PCDHA7: variants seen among roughly 807,000 people sequenced by gnomAD.
PCDHA7 encodes the protein protocadherin alpha-7.
A neutral mutation model predicts 57.2 loss-of-function variants in PCDHA7; 37 were observed. The observed-to-expected ratio is 0.65, with a 90% CI of 0.50 to 0.85. The LOEUF (loss-of-function observed/expected upper bound fraction) is 0.85. PCDHA7 is among the 40% of genes least tolerant of loss of function. The pLI, the probability that PCDHA7 is intolerant of heterozygous loss-of-function variation, is 0.00. For synonymous variants in PCDHA7, 553 were observed against 558.8 expected, an observed-to-expected ratio of 0.99 and a Z score of 0.15; for missense variants, 1,188 against 1,241.8, an observed-to-expected ratio of 0.96 and a Z score of 0.65.
intron 1 of PCDHA7, chr5:140,884,134 C>A: frequency 6.2e-6 from 10 of 1,613,442 alleles, no homozygotes; most frequent in Non-Finnish European, 7.6e-6. Context: ...GCATCCCGTT[C>A]CGCGTGGGGC....
At chr5:140,999,345 C>A (rs2097854633) in intron 3 of PCDHA7, among the ~76,000 whole-genome samples, 1 of 152,178 alleles carries the variant, frequency 6.6e-6, no homozygotes, top group Non-Finnish European at 1.5e-5. Flanking sequence ...TAAGCCTTGT[C>A]TCTTTTTAAT....
intron 1 of PCDHA7, among the ~76,000 whole-genome samples, chr5:140,878,502 G>A (rs782817563): frequency 2.0e-5 from 3 of 152,028 alleles, no homozygotes; most frequent in Admixed American, 6.5e-5. Flanking sequence ...CCATCTGTAC[G>A]ATACAGTACA....
At chr5:140,947,957 A>G (rs2094196859) in intron 1 of PCDHA7, among the ~76,000 whole-genome samples, 1 of 151,542 alleles carries the variant, frequency 6.6e-6, no homozygotes, top group African/African-American at 2.4e-5. Flanking sequence ...ATATTTTACA[A>G]TTAAGTATGT....
intron 1 of PCDHA7, among the ~76,000 whole-genome samples, chr5:140,917,059 G>A (rs1174473146): frequency 6.6e-6 from 1 of 152,044 alleles, no homozygotes; most frequent in Non-Finnish European, 1.5e-5. Context: ...TCCCTGCTAC[G>A]ACAGCACCGA....
chr5:140,870,493 AAGG>A, intron 1 of PCDHA7: 1 of 1,614,214 alleles, frequency 6.2e-7, no homozygotes, highest in Non-Finnish European at 8.5e-7. Context: ...CGTGTTCGTG[AAGG>A]AGAACAACCC....
rs56843453 is a variant in PCDHA7 at position 141,000,391 on chromosome 5, C to A, written c.2504-9236C>A. Reference sequence around the variant, plus strand: ...TCTCTCTCTCTCTCTCTCTCTCTCTCTCTCTATATATATATATATATATAT... The same window carrying A: ...TCTCTCTCTCTCTCTCTCTCTCTCTATCTCTATATATATATATATATATAT... On this transcript the variant is annotated intron_variant, in intron 3 of 3. Transcript: ENST00000525929. Among the ~76,000 whole-genome samples the A allele has an allele frequency of 8.6e-3, 487 of 56,544 alleles. 1 individual carries two copies. Among genetic ancestry groups the A allele is most frequent in the Non-Finnish European group, 9.4e-3 (310 of 32,842 alleles). The allele number at this position is 56,544 out of a possible 152,430, so 37.1% of individuals were successfully genotyped here.
chr5:140,896,092 TG>T (rs2065379013), intron 1 of PCDHA7, among the ~76,000 whole-genome samples: 1 of 152,194 alleles, frequency 6.6e-6, no homozygotes, highest in Non-Finnish European at 1.5e-5. Context: ...ATTACAGGCG[TG>T]AGCCACTGTG....
At position 141,010,632 on chromosome 5, in the gene PCDHA7, A is replaced by G. The variant is rs782191972; in HGVS notation, c.*695A>G. The G allele has an allele frequency of 1.6e-5, 3 of 185,902 alleles. No individual in the cohort carries two copies. Among genetic ancestry groups the G allele is most frequent in the Non-Finnish European group, 3.4e-5 (3 of 88,214 alleles). The allele number at this position is 185,902 out of a possible 1,614,324, so 11.5% of individuals were successfully genotyped here. On this transcript the variant is annotated 3_prime_UTR_variant, in exon 4 of 4. Coordinates refer to ENST00000525929, the MANE Select transcript of PCDHA7 (RefSeq NM_018910.3). ...ACCTAAAATCTGCATCATACCTGCAAGCCAACAGTTCAGTGTTTTAACAGA... is the reference window on the plus strand; with the variant it reads ...ACCTAAAATCTGCATCATACCTGCAGGCCAACAGTTCAGTGTTTTAACAGA...
chr5:140,886,539 T>C (rs1463145945), intron 1 of PCDHA7, among the ~76,000 whole-genome samples: 6 of 152,154 alleles, frequency 3.9e-5, no homozygotes, highest in African/African-American at 1.4e-4. Context: ...GTTAGAAAGG[T>C]CTTCCCAGCT....
chr5:140,867,596 G>C (rs1388910756), intron 1 of PCDHA7: 2 of 152,076 alleles, frequency 1.3e-5, no homozygotes, highest in African/African-American at 2.4e-5. Context: ...TTAGATTGGA[G>C]ATAAACCATC....
chr5:140,966,658 G>A (rs887585622), intron 1 of PCDHA7: 5 of 1,212,426 alleles, frequency 4.1e-6, no homozygotes, highest in Admixed American at 3.9e-5. Flanking sequence ...GAGCGGTGGG[G>A]GAGCAGGCGC....
At chr5:140,898,677 T>C (rs1197350501) in intron 1 of PCDHA7, among the ~76,000 whole-genome samples, 2 of 152,222 alleles carry the variant, frequency 1.3e-5, no homozygotes, top group Non-Finnish European at 2.9e-5. Flanking sequence ...TTGCGGGCTG[T>C]TTTTTGGTTC....
rs1342551274 is a variant in PCDHA7, at chr5:140,871,604, T to C, written c.2355+34866T>C. 4 of 1,443,096 alleles carry C rather than the reference T, an allele frequency of 2.8e-6. No homozygotes were observed. In the African/African-American group the frequency reaches 4.3e-5, roughly 16 times the overall value. The allele number at this position is 1,443,096 out of a possible 1,614,324, so 89.4% of individuals were successfully genotyped here. A position where few individuals can be genotyped will look rare whatever the true frequency, so the allele number is the denominator to read the frequency against. On this transcript the variant is annotated intron_variant, in intron 1 of 3. Coordinates refer to ENST00000525929, the MANE Select transcript of PCDHA7 (RefSeq NM_018910.3). The stretch of plus-strand genomic sequence containing the variant: ...AAAGTTTTATGAATAACCAGTGTTT[T>C]GAATATTGTTTTAGATAACAATGTC...
chr5:140,876,754 C>T, intron 1 of PCDHA7: 2 of 1,614,210 alleles, frequency 1.2e-6, no homozygotes, highest in Non-Finnish European at 1.7e-6. Context: ...GGTGACTGCG[C>T]GGGATGGGGG....
chr5:140,971,184 A>C (rs1431296656), intron 1 of PCDHA7, among the ~76,000 whole-genome samples: 1 of 152,188 alleles, frequency 6.6e-6, no homozygotes, highest in African/African-American at 2.4e-5. Context: ...TGTAAGCCGG[A>C]AGCTCAGAGG....
chr5:140,946,363 A>T (rs2093934761), intron 1 of PCDHA7, among the ~76,000 whole-genome samples: 1 of 151,892 alleles, frequency 6.6e-6, no homozygotes, highest in African/African-American at 2.4e-5. Flanking sequence ...AGAAAAGGGA[A>T]CTCTTGCACA....
chr5:141,007,755 CTT>C (rs2098344346), intron 3 of PCDHA7, among the ~76,000 whole-genome samples: 1 of 152,170 alleles, frequency 6.6e-6, no homozygotes, highest in Non-Finnish European at 1.5e-5. Context: ...ACTTTGGACT[CTT>C]ATTGGCCTGG....
intron 3 of PCDHA7, among the ~76,000 whole-genome samples, chr5:140,988,057 C>T (rs557714672): frequency 6.6e-6 from 1 of 152,188 alleles, no homozygotes; most frequent in Non-Finnish European, 1.5e-5. Context: ...GCACTGTCAA[C>T]ATGAATTTTT....
At position 140,836,494 on chromosome 5, in the gene PCDHA7, T is replaced by A; in HGVS notation, c.2111T>A (p.Ile704Asn). 4 of 1,613,852 alleles carry A rather than the reference T, an allele frequency of 2.5e-6. No individual in the cohort carries two copies. The highest frequency in any genetic ancestry group is 3.4e-6 in the Non-Finnish European group (4 of 1,179,870). Residue 704 changes from isoleucine to asparagine, a missense_variant, in exon 1 of 4, where the codon ATC (isoleucine) becomes AAC (asparagine). This residue lies in a region of PCDHA7 where 892 missense variants were observed against 788.5 expected (regional missense o/e 1.13). Transcript: ENST00000525929. ...VDVNVYLIIAICAVSSLLVLT... is the reference protein window; with the variant it reads ...VDVNVYLIIANCAVSSLLVLT... Reference sequence around the variant, plus strand: ...GTCAACGTGTACCTGATCATCGCCATCTGCGCGGTGTCCAGTCTGTTGGTG... The same window carrying A: ...GTCAACGTGTACCTGATCATCGCCAACTGCGCGGTGTCCAGTCTGTTGGTG...
Sources: allele counts gnomAD v4.1 joint callset (sites outside exome capture counted in the v4.1 genomes callset), GRCh38; gene constraint gnomAD v4.1.1; regional missense constraint gnomAD v4.1.1; transcripts MANE v1.5; gene names NCBI Gene and HGNC (gene_info 2026-07-23, HGNC 2026-07-21).